The following ZNF701 variants were observed in gnomAD, a reference collection of about 807,000 sequenced individuals.
ZNF701 encodes zinc finger protein 701.
In ZNF701, 6 loss-of-function variants were observed where a neutral mutation model predicts 7.1. That is an observed-to-expected ratio of 0.84 (90% confidence interval 0.46 to 1.66). The LOEUF is 1.66. Ranked by LOEUF, ZNF701 falls within the 40% of genes most tolerant of loss-of-function variation. The pLI is 0.01. For missense variants in ZNF701, 541 were observed against 559.2 expected (o/e 0.97, Z 0.33); for synonymous variants, 166 against 188.2 (o/e 0.88, Z 0.97).
Position 52,574,096 on chromosome 19 carries a change from G to C in ZNF701, c.-52G>C. On this transcript the variant is annotated 5_prime_UTR_variant, in exon 2 of 4. Coordinates refer to ENST00000391785, the MANE Select transcript of ZNF701 (RefSeq NM_018260.3). The stretch of plus-strand genomic sequence containing the variant: ...ATTCAGGATTGACTTCTAAAGACTT[G>C]GTACGTGAGGAAAAAACACGGAAGA... 6.2e-7 allele frequency: 1 copy of C among 1,612,206 alleles called. No homozygotes were observed. Among genetic ancestry groups the C allele is most frequent in the Middle Eastern group, 1.7e-4 (1 of 6,058 alleles).
Position 52,585,875 on chromosome 19 carries a change from C to A in ZNF701, c.*2418C>A, listed in dbSNP as rs2060008237. 6.6e-6 allele frequency: 1 copy of A among 152,268 alleles called. No individual in the cohort carries two copies. The highest frequency in any genetic ancestry group is 2.1e-4 in the South Asian group (1 of 4,832). 9.4% of individuals were successfully genotyped at this position (152,268 alleles called of 1,614,324 possible). ...GGGCTCTTTCTCTTTCCACCTGCGA[C>A]CTGGTGGAAGGGGGAGGGTGTTAGG... On this transcript the variant is annotated 3_prime_UTR_variant, in exon 4 of 4. Coordinates refer to ENST00000391785, the MANE Select transcript of ZNF701 (RefSeq NM_018260.3).
At chr19:52,594,189 G>A in the ZNF701 span, 5 of 119,822 alleles carry the variant, frequency 4.2e-5, 1 homozygote, top group South Asian at 8.0e-4. Context: ...GTGGCGGCGC[G>A]CGCCTGCAAT....
At chr19:52,578,638 G>A (rs955538882) in intron 3 of ZNF701, among the ~76,000 whole-genome samples, 1 of 152,216 alleles carries the variant, frequency 6.6e-6, no homozygotes, top group South Asian at 2.1e-4. Flanking sequence ...GATTACAGGC[G>A]TGAGCCGCCA....
the ZNF701 span, among the ~76,000 whole-genome samples, chr19:52,594,570 A>G: frequency 2.7e-5 from 4 of 150,932 alleles, no homozygotes; most frequent in African/African-American, 4.9e-5. Flanking sequence ...CTGGAGTGCA[A>G]TGGTGCGATC....
At chr19:52,582,155 T>C in intron 3 of ZNF701, 47 bp from the exon 4 acceptor site, 8 of 1,474,422 alleles carry the variant, frequency 5.4e-6, no homozygotes, top group Non-Finnish European at 7.3e-6. Flanking sequence ...CAGTATTGTA[T>C]AACTTCCGTA....
At chr19:52,596,148 A>G in the ZNF701 span, 4 of 761,282 alleles carry the variant, frequency 5.3e-6, no homozygotes, top group African/African-American at 5.2e-5. Flanking sequence ...GCCTTTAATC[A>G]TAGCTCATGT....
chr19:52,595,587 T>C, the ZNF701 span: 3 of 971,240 alleles, frequency 3.1e-6, no homozygotes, highest in Non-Finnish European at 4.5e-6. Flanking sequence ...TGTACTTAAT[T>C]GGAAACCTAT....
In ZNF701 at chr19:52,587,133, C is replaced by G. The variant is rs1362100648; in HGVS notation, c.*3676C>G. 7.9e-5 allele frequency: 12 copies of G among 152,066 alleles called. No homozygotes were observed. The highest frequency in any genetic ancestry group is 2.9e-4 in the African/African-American group (12 of 41,400). The allele number at this position is 152,066 out of a possible 1,614,324, so 9.4% of individuals were successfully genotyped here. On this transcript the variant is annotated 3_prime_UTR_variant, in exon 4 of 4. Transcript: ENST00000391785. ...TCTGGGTGCTTAGCTGAGGTTGACA[C>G]CATGTATTTTAAATATGGAAAATAA...
chr19:52,597,292 G>T, the ZNF701 span: 1 of 544,442 alleles, frequency 1.8e-6, no homozygotes, highest in South Asian at 1.4e-5. Flanking sequence ...TTGACTTCAC[G>T]TTCACACCTC....
At chr19:52,587,546 C>T (rs998539439), downstream of ZNF701, among the ~76,000 whole-genome samples, 8 of 152,272 alleles carry the variant, frequency 5.3e-5, no homozygotes, top group Middle Eastern at 3.4e-3. Context: ...TCTCCCACAG[C>T]CCCCCACTTG....
chr19:52,574,993 G>A (rs140686301), intron 2 of ZNF701, among the ~76,000 whole-genome samples: 1,713 of 151,948 alleles, frequency 0.011, 23 homozygotes, highest in African/African-American at 0.035. Context: ...TTTTCGAGAC[G>A]GAGTCTCGCT....
chr19:52,582,294 A>G lies in ZNF701; in HGVS notation c.235A>G (p.Ser79Gly), dbSNP rs1324864220. ...VHTGTLQIHA[S>G]HHIGDTCFQE... Reference sequence around the variant, plus strand: ...CACAGGGACATTGCAAATACATGCAAGTCATCACATTGGAGATACTTGCTT... The same window carrying G: ...CACAGGGACATTGCAAATACATGCAGGTCATCACATTGGAGATACTTGCTT... The change falls in exon 4 of 4, where the codon AGT (serine) becomes GGT (glycine). Residue 79 changes from serine to glycine, a missense_variant. Physicochemically the swap from Ser to Gly is moderately conservative, Grantham distance 56. Coordinates refer to ENST00000391785, the MANE Select transcript of ZNF701 (RefSeq NM_018260.3). 8.1e-6 allele frequency: 13 copies of G among 1,613,874 alleles called. No homozygotes were observed. The East Asian group carries it at 2.9e-4, about 36-fold the overall frequency.
At chr19:52,578,521 T>C (rs2059952514) in intron 3 of ZNF701, among the ~76,000 whole-genome samples, 1 of 152,206 alleles carries the variant, frequency 6.6e-6, no homozygotes, top group South Asian at 2.1e-4. Context: ...CCCAGCTGCT[T>C]TCTCTTTATC....
the ZNF701 span, chr19:52,598,758 A>C: frequency 1.3e-5 from 2 of 152,266 alleles, no homozygotes; most frequent in African/African-American, 4.8e-5. Flanking sequence ...AAAATAAAAA[A>C]AAACAGCCAG....
the ZNF701 span, among the ~76,000 whole-genome samples, chr19:52,592,492 C>G: frequency 6.6e-6 from 1 of 152,188 alleles, no homozygotes; most frequent in African/African-American, 2.4e-5. Flanking sequence ...CAGAGATGCC[C>G]CTGGAGGCCC....
Position 52,584,757 on chromosome 19 carries a change from G to T in ZNF701, c.*1300G>T, listed in dbSNP as rs1362865444. ...TATGGAAATTCAATTAATTTTTGGT[G>T]CTGCTATTGCATTGTGCAAATCCAC... On this transcript the variant is annotated 3_prime_UTR_variant, in exon 4 of 4. Transcript: ENST00000391785. The T allele has an allele frequency of 6.6e-6, 1 of 152,140 alleles. No individual in the cohort carries two copies. The highest frequency in any genetic ancestry group is 1.5e-5 in the Non-Finnish European group (1 of 68,030). The allele number at this position is 152,140 out of a possible 1,614,324, so 9.4% of individuals were successfully genotyped here.
At chr19:52,579,879 A>G (rs2059964159) in intron 3 of ZNF701, among the ~76,000 whole-genome samples, 1 of 42,166 alleles carries the variant, frequency 2.4e-5, no homozygotes, top group Non-Finnish European at 7.9e-5. Flanking sequence ...ATCTCAAAAT[A>G]AATAAATAAA....
intron 1 of ZNF701, chr19:52,572,377 C>G: frequency 7.8e-7 from 1 of 1,288,870 alleles, no homozygotes; most frequent in Non-Finnish European, 1.0e-6. Context: ...AGGTAACTAG[C>G]TGTGTCTTTG....
intron 3 of ZNF701, among the ~76,000 whole-genome samples, chr19:52,578,564 C>G (rs2146987314): frequency 6.6e-6 from 1 of 152,326 alleles, no homozygotes; most frequent in East Asian, 1.9e-4. Flanking sequence ...ATTACAATCT[C>G]TCATCTCCGC....
Sources: allele counts gnomAD v4.1 joint callset (sites outside exome capture counted in the v4.1 genomes callset), GRCh38; gene constraint gnomAD v4.1.1; transcripts MANE v1.5; gene names NCBI Gene and HGNC (gene_info 2026-07-23, HGNC 2026-07-21).